The following CLEC16A variants were observed in gnomAD, a reference collection of about 807,000 sequenced individuals.
The protein encoded by CLEC16A is protein CLEC16A.
Under a neutral mutation model 109.5 loss-of-function variants are expected in CLEC16A, and 51 were observed. The ratio of observed to expected loss-of-function variants is 0.47; its 90% CI spans 0.37 to 0.59. The LOEUF is 0.59. CLEC16A is among the 20% of genes least tolerant of loss of function. CLEC16A has a pLI of 0.00. For missense variants in CLEC16A, 1,339 were observed against 1,394.0 expected (o/e 0.96, Z 0.63); for synonymous variants, 673 against 564.2 (o/e 1.19, Z -2.73).
Position 11,123,750 on chromosome 16 carries a change from G to A in CLEC16A, c.2277G>A (p.Gln759=), listed in dbSNP as rs1175100842. Residue 759 remains glutamine (Q), a synonymous_variant, in exon 21 of 24, where the codon CAG becomes CAA. Coordinates refer to ENST00000409790, the MANE Select transcript of CLEC16A (RefSeq NM_015226.3). ...TGCTTCTCACTGTGCAGGACATGCAGGTGACTGGCGTGGAGGACGACAGCC... is the reference window on the plus strand; with the variant it reads ...TGCTTCTCACTGTGCAGGACATGCAAGTGACTGGCGTGGAGGACGACAGCC... ...VKFAGLLQDM[Q]VTGVEDDSRA... is the part of the protein sequence containing the mutation. The A allele has an allele frequency of 2.5e-6, 4 of 1,614,066 alleles. No homozygotes were observed. The highest frequency in any genetic ancestry group is 1.7e-5 in the Admixed American group (1 of 60,034).
At chr16:10,953,838 G>T (rs530708174) in intron 1 of CLEC16A, among the ~76,000 whole-genome samples, 7 of 152,262 alleles carry the variant, frequency 4.6e-5, no homozygotes, top group African/African-American at 1.4e-4. Context: ...TTAGCCGAGC[G>T]TGCTGGCGGG....
At chr16:11,143,384 A>C (rs545672428) in intron 22 of CLEC16A, among the ~76,000 whole-genome samples, 1 of 152,326 alleles carries the variant, frequency 6.6e-6, no homozygotes, top group Admixed American at 6.5e-5. Flanking sequence ...ACCTGGTGCC[A>C]GCAAATGAGA....
intron 19 of CLEC16A, among the ~76,000 whole-genome samples, chr16:11,075,412 CTGTGTGTG>C (rs375261875): frequency 2.5e-5 from 3 of 120,550 alleles, no homozygotes; most frequent in Admixed American, 1.8e-4. Flanking sequence ...GTGTGTGTGT[CTGTGTGTG>C]TGTGTGTATG....
intron 19 of CLEC16A, among the ~76,000 whole-genome samples, chr16:11,082,579 C>T (rs1426380978): frequency 3.3e-5 from 5 of 152,256 alleles, no homozygotes; most frequent in Admixed American, 6.5e-5. Flanking sequence ...TAAAGGCAGC[C>T]GGAGCGGCTG....
chr16:10,972,676 G>C, intron 6 of CLEC16A, 117 bp downstream of exon 6: 1 of 953,240 alleles, frequency 1.0e-6, no homozygotes, highest in Non-Finnish European at 1.7e-6. Context: ...TGATAAGTAG[G>C]CTCTCCCATG....
chr16:11,047,813 C>G (rs1276517813), intron 17 of CLEC16A: 1 of 152,262 alleles, frequency 6.6e-6, no homozygotes, highest in African/African-American at 2.4e-5. Flanking sequence ...TCCACATTGC[C>G]GGAGAGGCCT....
chr16:11,169,388 G>A (rs1443392662), intron 23 of CLEC16A, among the ~76,000 whole-genome samples: 2 of 152,152 alleles, frequency 1.3e-5, no homozygotes, highest in African/African-American at 2.4e-5. Context: ...CCAGATTCAA[G>A]CAATTCTCTC....
At chr16:11,081,972 C>G (rs1244259965) in intron 19 of CLEC16A, among the ~76,000 whole-genome samples, 1 of 152,128 alleles carries the variant, frequency 6.6e-6, no homozygotes, top group Non-Finnish European at 1.5e-5. Flanking sequence ...GCAGAGGTTG[C>G]AGTGAGCCAA....
intron 22 of CLEC16A, among the ~76,000 whole-genome samples, chr16:11,128,860 A>T (rs1247275573): frequency 2.0e-5 from 3 of 152,194 alleles, no homozygotes; most frequent in East Asian, 1.9e-4. Context: ...ATCTCCCAAG[A>T]TTGCAACAGA....
rs1256767318 is a variant in CLEC16A, at chr16:11,058,823, C to T, written c.1996-2079C>T. ...TGGTCCTGCATGAGTTATTTGCCTT[C>T]AAAACCCCAAGAGGAACAGGCGTTT... On this transcript the variant is annotated intron_variant, in intron 18 of 23. Transcript: ENST00000409790. Among the ~76,000 whole-genome samples, 3 of 152,176 alleles carry T rather than the reference C, an allele frequency of 2.0e-5. No homozygotes were observed. In the East Asian group the frequency reaches 5.8e-4, roughly 29 times the overall value.
intron 22 of CLEC16A, among the ~76,000 whole-genome samples, chr16:11,133,630 A>T (rs1289149677): frequency 6.6e-6 from 1 of 152,174 alleles, no homozygotes; most frequent in African/African-American, 2.4e-5. Context: ...TCATTCATAG[A>T]CATCAGTTCA....
chr16:11,054,658 T>G (rs2048117402), intron 18 of CLEC16A, among the ~76,000 whole-genome samples: 1 of 152,198 alleles, frequency 6.6e-6, no homozygotes, highest in Non-Finnish European at 1.5e-5. Context: ...TAGAAAAGCT[T>G]CCTTTGTGAC....
chr16:11,105,798 C>G (rs2051183801), intron 19 of CLEC16A, among the ~76,000 whole-genome samples: 1 of 152,218 alleles, frequency 6.6e-6, no homozygotes, highest in African/African-American at 2.4e-5. Context: ...CAACCCTTCA[C>G]ACAGCCACTG....
At chr16:11,007,007 G>A (rs1472507348) in intron 11 of CLEC16A, among the ~76,000 whole-genome samples, 1 of 152,114 alleles carries the variant, frequency 6.6e-6, no homozygotes, top group Non-Finnish European at 1.5e-5. Flanking sequence ...AGACTTCCTA[G>A]GGTACGTGCT....
chr16:11,156,400 G>C (rs1019649998), intron 22 of CLEC16A, among the ~76,000 whole-genome samples: 1 of 150,134 alleles, frequency 6.7e-6, no homozygotes, highest in Non-Finnish European at 1.5e-5. Flanking sequence ...CAACTAATCT[G>C]CCACTCCTTG....
intron 19 of CLEC16A, among the ~76,000 whole-genome samples, chr16:11,089,622 G>C (rs894608463): frequency 6.6e-6 from 1 of 152,198 alleles, no homozygotes; most frequent in African/African-American, 2.4e-5. Flanking sequence ...ATCTGTGCCA[G>C]CATGACGAGC....
intron 8 of CLEC16A, 30 bp from the exon 9 acceptor site, chr16:10,979,299 C>T: frequency 1.3e-6 from 2 of 1,589,994 alleles, no homozygotes; most frequent in South Asian, 1.1e-5. Flanking sequence ...GACCTGATCT[C>T]TCTCTCTCTC....
At chr16:11,105,368 T>C (rs1372813103) in intron 19 of CLEC16A, among the ~76,000 whole-genome samples, 1 of 152,186 alleles carries the variant, frequency 6.6e-6, no homozygotes, top group Non-Finnish European at 1.5e-5. Context: ...AGTGAAGCTT[T>C]TGCAAGTTGC....
chr16:11,146,946 T>C (rs1330141463), intron 22 of CLEC16A, among the ~76,000 whole-genome samples: 2 of 151,766 alleles, frequency 1.3e-5, no homozygotes, highest in Admixed American at 6.6e-5. Context: ...CCATGTTTGG[T>C]GCCCTCAGGG....
Sources: allele counts gnomAD v4.1 joint callset (sites outside exome capture counted in the v4.1 genomes callset), GRCh38; gene constraint gnomAD v4.1.1; transcripts MANE v1.5; gene names NCBI Gene and HGNC (gene_info 2026-07-23, HGNC 2026-07-21).